TLK1: variants seen among roughly 807,000 people sequenced by gnomAD.
The protein encoded by TLK1 is serine/threonine-protein kinase tousled-like 1.
TLK1 carries 24 observed loss-of-function variants against 105.3 expected under a neutral mutation model. That is an observed-to-expected ratio of 0.23 (90% CI 0.17 to 0.32). TLK1 has a LOEUF of 0.32. Ranked by LOEUF, TLK1 falls within the 10% of genes least tolerant of loss-of-function variation. TLK1 has a pLI of 1.00. For synonymous variants in TLK1, 321 were observed against 310.4 expected (o/e 1.03, Z -0.36); for missense variants, 558 against 910.5 (o/e 0.61, Z 4.98).
intron 11 of TLK1, among the ~76,000 whole-genome samples, chr2:171,031,958 C>T (rs1375961060): frequency 6.6e-6 from 1 of 152,064 alleles, no homozygotes; most frequent in Non-Finnish European, 1.5e-5. Flanking sequence ...TGTGGTGGTG[C>T]ACGCCTGTAG....
intron 2 of TLK1, among the ~76,000 whole-genome samples, chr2:171,112,186 G>A (rs1366799750): frequency 1.3e-5 from 2 of 152,144 alleles, no homozygotes; most frequent in African/African-American, 4.8e-5. Context: ...TCCTTACCTC[G>A]TGATCCGCCC....
intron 1 of TLK1, among the ~76,000 whole-genome samples, chr2:171,121,031 G>T (rs1558953337): frequency 6.6e-6 from 1 of 152,160 alleles, no homozygotes; most frequent in East Asian, 1.9e-4. Context: ...AGTAAAATAA[G>T]CCAGTCACAA....
rs574052872 is a variant in TLK1, at chr2:171,116,305, T to C, written c.258+1434A>G. Among the ~76,000 whole-genome samples, 5 of 152,204 alleles carry C rather than the reference T, an allele frequency of 3.3e-5. No homozygotes were observed. The South Asian group carries it at 8.3e-4, about 25-fold the overall frequency. On this transcript the variant is annotated intron_variant, in intron 2 of 20. Coordinates refer to ENST00000431350, the MANE Select transcript of TLK1 (RefSeq NM_012290.5). The stretch of plus-strand genomic sequence containing the variant: ...CAACATGTAGAATATACATGAAACA[T>C]GAGAAAATCAGTTCAAAAAAGAAAG...
chr2:171,101,183 TA>T (rs1290029142), intron 2 of TLK1, among the ~76,000 whole-genome samples: 9 of 151,818 alleles, frequency 5.9e-5, no homozygotes, highest in Non-Finnish European at 1.2e-4. Context: ...TCATCTCTAC[TA>T]AAAATACAAA....
chr2:171,016,844 G>A (rs918539937), intron 12 of TLK1, among the ~76,000 whole-genome samples: 1 of 152,028 alleles, frequency 6.6e-6, no homozygotes, highest in Non-Finnish European at 1.5e-5. Context: ...ATTCAACCAC[G>A]ACTTGTTGCA....
At chr2:171,176,000 G>A (rs1000882956) in intron 1 of TLK1, among the ~76,000 whole-genome samples, 10 of 151,836 alleles carry the variant, frequency 6.6e-5, no homozygotes, top group Non-Finnish European at 1.2e-4. Flanking sequence ...GCAATGGCGC[G>A]ACCTCTGCTC....
intron 12 of TLK1, among the ~76,000 whole-genome samples, chr2:171,016,032 C>T (rs970300238): frequency 1.3e-5 from 2 of 151,918 alleles, no homozygotes; most frequent in African/African-American, 2.4e-5. Context: ...AAGCTGAGAT[C>T]GTGCCACTGC....
At chr2:171,190,721 A>G (rs1558985658) in intron 1 of TLK1, among the ~76,000 whole-genome samples, 1 of 152,236 alleles carries the variant, frequency 6.6e-6, no homozygotes, top group East Asian at 1.9e-4. Context: ...TGCAGCAAAA[A>G]ATAGTTTTAA....
At chr2:171,066,969 G>A (rs1363076484) in intron 3 of TLK1, 4 of 1,537,148 alleles carry the variant, frequency 2.6e-6, no homozygotes, top group East Asian at 2.5e-5. Flanking sequence ...GAAAGTGCTT[G>A]TAATAGTCAA....
At chr2:171,114,556 C>T (rs7568083) in intron 2 of TLK1, among the ~76,000 whole-genome samples, 36,283 of 152,076 alleles carry the variant, frequency 0.24, 4,609 homozygotes, top group Middle Eastern at 0.34. Context: ...AAAAAGGTGG[C>T]CTGGTGCAGT....
chr2:171,211,223 T>G (rs1197105797), intron 1 of TLK1, among the ~76,000 whole-genome samples: 1 of 152,242 alleles, frequency 6.6e-6, no homozygotes, highest in Non-Finnish European at 1.5e-5. Context: ...GTAGAGCCTT[T>G]CATGCGACAA....
At chr2:170,994,050 A>C (rs1683925622) in intron 20 of TLK1, 94 bp from the exon 21 acceptor site, 1 of 1,301,640 alleles carries the variant, frequency 7.7e-7, no homozygotes, top group African/African-American at 1.5e-5. Context: ...CACATTTAAG[A>C]CATAAGTAGA....
At chr2:171,115,436 G>A (rs1690379783) in intron 2 of TLK1, among the ~76,000 whole-genome samples, 1 of 152,046 alleles carries the variant, frequency 6.6e-6, no homozygotes, top group Admixed American at 6.6e-5. Context: ...GCCTCCCAAA[G>A]TGCTGGGATT....
intron 11 of TLK1, among the ~76,000 whole-genome samples, chr2:171,040,184 A>C (rs1169925375): frequency 6.6e-6 from 1 of 152,216 alleles, no homozygotes; most frequent in African/African-American, 2.4e-5. Flanking sequence ...CATAAAGATA[A>C]GCCTCAATAA....
At chr2:171,156,306 T>C (rs1575636469) in intron 1 of TLK1, among the ~76,000 whole-genome samples, 1 of 152,242 alleles carries the variant, frequency 6.6e-6, no homozygotes, top group South Asian at 2.1e-4. Flanking sequence ...ACAATGCCAC[T>C]GGTCTAGTTT....
chr2:171,102,655 TA>T (rs988849602), intron 2 of TLK1, among the ~76,000 whole-genome samples: 11 of 152,346 alleles, frequency 7.2e-5, no homozygotes, highest in African/African-American at 2.6e-4. Context: ...GTTTGATATA[TA>T]AAAATTTTAA....
Position 171,066,608 on chromosome 2 carries a change from T to A in TLK1, c.331-5452A>T, listed in dbSNP as rs189774168. Among the ~76,000 whole-genome samples the A allele has an allele frequency of 6.2e-3, 942 of 152,314 alleles. 12 individuals are homozygous for A. The highest frequency in any genetic ancestry group is 0.021 in the African/African-American group (888 of 41,566). On this transcript the variant is annotated intron_variant, in intron 3 of 20. Coordinates refer to ENST00000431350, the MANE Select transcript of TLK1 (RefSeq NM_012290.5). The stretch of plus-strand genomic sequence containing the variant: ...AACTACCTAACTTGACATCCTCACA[T>A]TGTGACTTCTTAAACTCCTATCACT...
chr2:171,063,203 G>A (rs544546511), intron 3 of TLK1, among the ~76,000 whole-genome samples: 132 of 151,938 alleles, frequency 8.7e-4, no homozygotes, highest in African/African-American at 2.8e-3. Flanking sequence ...AAAATTAGCC[G>A]GGCATGGTGG....
At position 171,160,231 on chromosome 2, in the gene TLK1, G is replaced by T; in HGVS notation, c.139+59C>A. ...GGCGGGGGGGGCGGGGGGGGGGCGC[G>T]GGGGTCCGCGGCGCGGGAGAGGAGG... On this transcript the variant is annotated intron_variant, in intron 1 of 20. Coordinates refer to ENST00000431350, the MANE Select transcript of TLK1 (RefSeq NM_012290.5). This position sits in a 1 kb window ranked among gnomAD's most constrained non-coding sequence, Gnocchi z 4.4. 1 of 1,300,654 alleles carries T rather than the reference G, an allele frequency of 7.7e-7. No homozygotes were observed. The highest frequency in any genetic ancestry group is 2.4e-5 in the South Asian group (1 of 42,378). 80.6% of individuals were successfully genotyped at this position (1,300,654 alleles called of 1,614,324 possible). A position where few individuals can be genotyped will look rare whatever the true frequency, so the allele number is the denominator to read the frequency against.
Sources: gnomAD v4.1 joint callset for allele counts (sites outside exome capture counted in the v4.1 genomes callset) on GRCh38, gnomAD v4.1.1 for gene constraint, Gnocchi (gnomAD v3.1) non-coding constraint, MANE v1.5 for transcripts, NCBI Gene and HGNC (gene_info 2026-07-23, HGNC 2026-07-21) for gene names.